WDR70: variants seen among roughly 807,000 people sequenced by gnomAD.
The protein encoded by WDR70 is WD repeat domain 70, also known as WD repeat-containing protein 70.
WDR70 carries 53 observed loss-of-function variants against 88.6 expected under a neutral mutation model. The observed-to-expected ratio is 0.60, with a 90% CI of 0.48 to 0.75. The LOEUF (loss-of-function observed/expected upper bound fraction) is 0.75, where lower values mean the gene tolerates loss of function less well. Among genes scored for constraint, WDR70 ranks in the 30% least tolerant of loss-of-function variants. The pLI is 0.00. For synonymous variants in WDR70, 280 were observed against 270.0 expected (o/e 1.04, Z -0.36); for missense variants, 610 against 823.2 (o/e 0.74, Z 3.17).
intron 8 of WDR70, among the ~76,000 whole-genome samples, chr5:37,507,084 A>G (rs528884808): frequency 3.9e-5 from 6 of 152,252 alleles, no homozygotes; most frequent in Admixed American, 3.9e-4. Context: ...CATATTAACA[A>G]ACTTAAACTT....
At chr5:37,461,748 G>A (rs1245897364) in intron 7 of WDR70, among the ~76,000 whole-genome samples, 1 of 152,072 alleles carries the variant, frequency 6.6e-6, no homozygotes, top group Admixed American at 6.5e-5. Flanking sequence ...CTCCCAAAGT[G>A]CTGGGATTAC....
rs1161217633 is a variant in WDR70, at chr5:37,415,463, AT to A, written c.492+18894del. The stretch of plus-strand genomic sequence containing the variant: ...GGGCGGCTGGCCGGGCCGGGGGCTG[AT>A]CCCCCCACCTCCCTCCCGGAAGGGG... On this transcript the variant is annotated intron_variant, in intron 5 of 17. Transcript: ENST00000265107. 2.8e-3 allele frequency among the ~76,000 whole-genome samples: 194 copies of A among 69,548 alleles called. 2 individuals carry two copies. Among genetic ancestry groups the A allele is most frequent in the African/African-American group, 8.7e-3 (188 of 21,554 alleles). 45.6% of individuals were successfully genotyped at this position (69,548 alleles called of 152,430 possible).
chr5:37,579,582 CAAAA>C (rs201135421), intron 9 of WDR70, among the ~76,000 whole-genome samples: 2 of 82,730 alleles, frequency 2.4e-5, no homozygotes, highest in Non-Finnish European at 4.8e-5. Flanking sequence ...GACTCTGTCT[CAAAA>C]AAAAAAAAAA....
chr5:37,498,156 A>G (rs1581339072), intron 8 of WDR70, among the ~76,000 whole-genome samples: 1 of 152,140 alleles, frequency 6.6e-6, no homozygotes, highest in East Asian at 1.9e-4. Flanking sequence ...TTACTTCTCT[A>G]TTCATGGCAC....
At chr5:37,654,796 C>G (rs1207366076) in intron 10 of WDR70, among the ~76,000 whole-genome samples, 2 of 152,270 alleles carry the variant, frequency 1.3e-5, no homozygotes, top group African/African-American at 4.8e-5. Context: ...TTTCCATTTG[C>G]TTGGTAAATA....
chr5:37,638,952 A>G (rs1451940772), intron 10 of WDR70, among the ~76,000 whole-genome samples: 1 of 152,240 alleles, frequency 6.6e-6, no homozygotes, highest in Non-Finnish European at 1.5e-5. Context: ...ACTTAAAAGG[A>G]AACAAAAATG....
chr5:37,740,975 A>AT (rs1473153083), intron 17 of WDR70, among the ~76,000 whole-genome samples: 4 of 152,184 alleles, frequency 2.6e-5, no homozygotes, highest in African/African-American at 9.7e-5. Flanking sequence ...TTTTATAGCA[A>AT]TTTGATGTAT....
chr5:37,672,043 A>G (rs1158993858), intron 10 of WDR70, among the ~76,000 whole-genome samples: 2 of 152,204 alleles, frequency 1.3e-5, no homozygotes, highest in Non-Finnish European at 2.9e-5. Flanking sequence ...GCTCACAGAA[A>G]CATGTGCTGT....
intron 9 of WDR70, among the ~76,000 whole-genome samples, chr5:37,597,469 C>T (rs1466264827): frequency 1.3e-5 from 2 of 152,098 alleles, no homozygotes; most frequent in African/African-American, 4.8e-5. Context: ...TTTCCATATA[C>T]TATTTATCAT....
intron 9 of WDR70, among the ~76,000 whole-genome samples, chr5:37,575,677 G>T (rs985775710): frequency 6.6e-6 from 1 of 152,086 alleles, no homozygotes; most frequent in Non-Finnish European, 1.5e-5. Flanking sequence ...CCTATATACC[G>T]CTCTTCAATC....
At chr5:37,607,876 C>G (rs140361244) in intron 10 of WDR70, among the ~76,000 whole-genome samples, 2 of 152,208 alleles carry the variant, frequency 1.3e-5, no homozygotes, top group East Asian at 3.9e-4. Flanking sequence ...CTCCTTGATT[C>G]TCTACTTCCC....
At chr5:37,593,049 G>A (rs931560605) in intron 9 of WDR70, among the ~76,000 whole-genome samples, 1 of 152,166 alleles carries the variant, frequency 6.6e-6, no homozygotes, top group African/African-American at 2.4e-5. Context: ...TAGCTACTTG[G>A]ATGGATGAGG....
intron 7 of WDR70, among the ~76,000 whole-genome samples, chr5:37,450,622 GT>G (rs2112077841): frequency 6.6e-6 from 1 of 152,188 alleles, no homozygotes; most frequent in Non-Finnish European, 1.5e-5. Flanking sequence ...TTTAAGAATT[GT>G]TAATTGTACC....
intron 8 of WDR70, among the ~76,000 whole-genome samples, chr5:37,497,752 C>G (rs887159115): frequency 6.6e-6 from 1 of 151,844 alleles, no homozygotes; most frequent in African/African-American, 2.4e-5. Context: ...CCTTAGAAAT[C>G]CTTTGGATTT....
At chr5:37,505,304 T>C (rs80243999) in intron 8 of WDR70, among the ~76,000 whole-genome samples, 7,348 of 152,208 alleles carry the variant, frequency 0.048, 576 homozygotes, top group African/African-American at 0.16. Flanking sequence ...GTACCTTGGT[T>C]TTTTGGTTTT....
intron 7 of WDR70, among the ~76,000 whole-genome samples, chr5:37,473,077 G>A (rs1265819692): frequency 6.6e-6 from 1 of 151,874 alleles, no homozygotes; most frequent in Non-Finnish European, 1.5e-5. Flanking sequence ...AACCATTTTA[G>A]TGGGTGGGTA....
At chr5:37,668,336 T>C (rs1745923727) in intron 10 of WDR70, among the ~76,000 whole-genome samples, 1 of 152,334 alleles carries the variant, frequency 6.6e-6, no homozygotes, top group African/African-American at 2.4e-5. Context: ...TTTTGAATGA[T>C]TCTGTATGAT....
chr5:37,574,392 C>T (rs191856720), intron 9 of WDR70, among the ~76,000 whole-genome samples: 1 of 152,312 alleles, frequency 6.6e-6, no homozygotes, highest in Non-Finnish European at 1.5e-5. Flanking sequence ...CCCTCCATGG[C>T]TTGCTACAGT....
chr5:37,387,957 C>G (rs1748677684), intron 3 of WDR70, among the ~76,000 whole-genome samples: 1 of 151,986 alleles, frequency 6.6e-6, no homozygotes, highest in Non-Finnish European at 1.5e-5. Flanking sequence ...GGGGTATGAG[C>G]TGTCTTGGTT....
Sources: allele counts gnomAD v4.1 joint callset (sites outside exome capture counted in the v4.1 genomes callset), GRCh38; gene constraint gnomAD v4.1.1; transcripts MANE v1.5; gene names NCBI Gene and HGNC (gene_info 2026-07-23, HGNC 2026-07-21).